The following CTDP1 variants were observed in gnomAD, a reference collection of about 807,000 sequenced individuals.
The protein encoded by CTDP1 is CTD phosphatase 1, also known as RNA polymerase II subunit A C-terminal domain phosphatase.
CTDP1 carries 47 observed loss-of-function variants against 91.8 expected under a neutral mutation model. The ratio of observed to expected loss-of-function variants is 0.51; its 90% CI spans 0.41 to 0.65. The LOEUF (loss-of-function observed/expected upper bound fraction) is 0.65, where lower values mean the gene tolerates loss of function less well. Among genes scored for constraint, CTDP1 ranks in the 30% least tolerant of loss-of-function variants. The pLI is 0.00. For missense variants in CTDP1, 1,272 were observed against 1,373.7 expected (o/e 0.93, Z 1.17); for synonymous variants, 656 against 598.5 (o/e 1.10, Z -1.40).
In CTDP1 at chr18:79,728,341, CCACCT is replaced by C. The variant is rs1234434418; in HGVS notation, c.2418-565_2418-561del. ...TCTCGAACTCCTCACCTGAAGTGAT[CCACCT>C]GCCTCGGCCTCCCAAAGTGCTGGCT... On this transcript the variant is annotated intron_variant, in intron 10 of 12. Coordinates refer to ENST00000613122, the MANE Select transcript of CTDP1 (RefSeq NM_004715.5). 3.4e-4 allele frequency among the ~76,000 whole-genome samples: 52 copies of C among 152,276 alleles called. No individual in the cohort carries two copies. The East Asian group carries it at 0.01, about 29-fold the overall frequency.
chr18:79,689,439 G>A (rs1198962019), intron 1 of CTDP1, among the ~76,000 whole-genome samples: 1 of 152,142 alleles, frequency 6.6e-6, no homozygotes, highest in African/African-American at 2.4e-5. Flanking sequence ...GTCCAGTGGT[G>A]GTGTTCTCAA....
chr18:79,681,064 G>C (rs1413057026), intron 1 of CTDP1: 5 of 152,334 alleles, frequency 3.3e-5, no homozygotes, highest in African/African-American at 9.6e-5. Flanking sequence ...TCTGGGAAAG[G>C]TGCCGCTCCT....
At chr18:79,740,612 TCTTTC>T (rs2122818306) in intron 12 of CTDP1, among the ~76,000 whole-genome samples, 1 of 152,322 alleles carries the variant, frequency 6.6e-6, no homozygotes, top group African/African-American at 2.4e-5. Context: ...GTCACTCTGC[TCTTTC>T]CTGTCAGTGC....
rs995882177 is a variant in CTDP1, at chr18:79,698,398, C to T, written c.621+410C>T. On this transcript the variant is annotated intron_variant, in intron 4 of 12. Coordinates refer to ENST00000613122, the MANE Select transcript of CTDP1 (RefSeq NM_004715.5). ...TGCTAGGATGTCAAGGGCAGGTGGA[C>T]GCCTGGGTTTGTGCTTGGGAGAACT... 2.0e-5 allele frequency among the ~76,000 whole-genome samples: 3 copies of T among 151,934 alleles called. No individual in the cohort carries two copies. In the Middle Eastern group the frequency reaches 0.01, roughly 517 times the overall value.
chr18:79,708,263 A>G (rs1193704536), intron 5 of CTDP1, among the ~76,000 whole-genome samples: 3 of 152,236 alleles, frequency 2.0e-5, no homozygotes, highest in Non-Finnish European at 2.9e-5. Flanking sequence ...GAGGTGGTGC[A>G]CAGAGCAGCT....
chr18:79,698,809 C>T (rs765805104), intron 4 of CTDP1, among the ~76,000 whole-genome samples: 1 of 152,208 alleles, frequency 6.6e-6, no homozygotes, highest in South Asian at 2.1e-4. Context: ...CAATAGCAGA[C>T]ACCCAGCAGG....
chr18:79,679,485 G>A (rs920964732), upstream of CTDP1: 7 of 456,642 alleles, frequency 1.5e-5, no homozygotes, highest in Non-Finnish European at 2.6e-5. Context: ...ATGGGGTAAT[G>A]GCACGCAGGC....
intron 10 of CTDP1, among the ~76,000 whole-genome samples, chr18:79,723,126 A>G (rs1474912308): frequency 1.3e-5 from 2 of 152,034 alleles, no homozygotes; most frequent in African/African-American, 4.8e-5. Flanking sequence ...AGCCACCCTC[A>G]CACGCTTGCA....
rs112570447 is a variant in CTDP1 at position 79,696,298 on chromosome 18, G to A, written c.492+228G>A. On this transcript the variant is annotated intron_variant, in intron 3 of 12. Coordinates refer to ENST00000613122, the MANE Select transcript of CTDP1 (RefSeq NM_004715.5). ...GCCTGCAAAAGCGACTCAGGGCCCC[G>A]AGGCTGTGTGACCTGCGTGTCGGGA... 0.019 allele frequency among the ~76,000 whole-genome samples: 2,873 copies of A among 152,270 alleles called. 99 individuals are homozygous for A. Among genetic ancestry groups the A allele is most frequent in the African/African-American group, 0.065 (2,710 of 41,534 alleles).
chr18:79,719,489 T>C (rs1224256390), intron 10 of CTDP1, among the ~76,000 whole-genome samples: 1 of 152,136 alleles, frequency 6.6e-6, no homozygotes, highest in Non-Finnish European at 1.5e-5. Flanking sequence ...TCATCCCTGA[T>C]GGATAGGAAG....
chr18:79,743,502 G>C (rs919690631), intron 12 of CTDP1, among the ~76,000 whole-genome samples: 1 of 122,284 alleles, frequency 8.2e-6, no homozygotes, highest in South Asian at 2.7e-4. Context: ...CTCCACCCTG[G>C]ACAACGGAGT....
At chr18:79,712,296 G>A (rs1378457096) in intron 6 of CTDP1, among the ~76,000 whole-genome samples, 1 of 152,030 alleles carries the variant, frequency 6.6e-6, no homozygotes, top group South Asian at 2.1e-4. Context: ...TTGTTTTTTT[G>A]TTTTTGAGAC....
chr18:79,715,944 G>A (rs1449195208), intron 8 of CTDP1, among the ~76,000 whole-genome samples: 6 of 152,210 alleles, frequency 3.9e-5, no homozygotes, highest in East Asian at 1.9e-4. Flanking sequence ...AGAAGGACAC[G>A]TTGTGGCTGG....
intron 10 of CTDP1, among the ~76,000 whole-genome samples, chr18:79,718,398 T>C (rs2086266746): frequency 6.6e-6 from 1 of 152,180 alleles, no homozygotes; most frequent in Admixed American, 6.5e-5. Flanking sequence ...CTCCGCCGGC[T>C]CCACGTTTGC....
At chr18:79,715,562 C>A in intron 8 of CTDP1, 34 bp downstream of exon 8, 1 of 1,530,052 alleles carries the variant, frequency 6.5e-7, no homozygotes, top group Non-Finnish European at 8.8e-7. Context: ...TGGGCATGGT[C>A]AGGCCCGCGG....
chr18:79,747,800 A>G (rs1473784262), intron 12 of CTDP1, among the ~76,000 whole-genome samples: 1 of 152,062 alleles, frequency 6.6e-6, no homozygotes, highest in Admixed American at 6.5e-5. Flanking sequence ...TCCCGCGGCC[A>G]CGCTGGCAGT....
intron 11 of CTDP1, 91 bp downstream of exon 11, chr18:79,729,160 C>A: frequency 6.5e-7 from 1 of 1,545,422 alleles, no homozygotes; most frequent in Non-Finnish European, 8.9e-7. Flanking sequence ...AGCTGTGCAC[C>A]TGGAGGCCGA....
At chr18:79,730,745 G>A (rs1477553589) in intron 11 of CTDP1, among the ~76,000 whole-genome samples, 1 of 152,216 alleles carries the variant, frequency 6.6e-6, no homozygotes, top group East Asian at 1.9e-4. Flanking sequence ...GGCAGGAGAA[G>A]GGGTCAGAGG....
chr18:79,733,541 T>C (rs2122764999), intron 11 of CTDP1, among the ~76,000 whole-genome samples: 1 of 151,824 alleles, frequency 6.6e-6, no homozygotes, highest in South Asian at 2.1e-4. Context: ...CGTTCCTGCC[T>C]GTTCTGCTGG....
Sources: gnomAD v4.1 joint callset for allele counts (sites outside exome capture counted in the v4.1 genomes callset) on GRCh38, gnomAD v4.1.1 for gene constraint, MANE v1.5 for transcripts, NCBI Gene and HGNC (gene_info 2026-07-23, HGNC 2026-07-21) for gene names.